The following SPAG9 variants were observed in gnomAD, a reference collection of about 807,000 sequenced individuals.
SPAG9 encodes C-Jun-amino-terminal kinase-interacting protein 4.
SPAG9 carries 35 observed loss-of-function variants against 166.5 expected under a neutral mutation model. That is an observed-to-expected ratio of 0.21 (90% confidence interval 0.16 to 0.28). The LOEUF is 0.28. Ranked by LOEUF, SPAG9 falls within the 10% of genes least tolerant of loss-of-function variation. The pLI is 1.00. For synonymous variants in SPAG9, 534 were observed against 565.5 expected (o/e 0.94, Z 0.79); for missense variants, 1,235 against 1,603.3 (o/e 0.77, Z 3.92).
chr17:51,077,065 G>GCTATCTAGCTAGCTAGCTAGCTAT (rs1491174150), intron 2 of SPAG9, among the ~76,000 whole-genome samples: 1 of 114,270 alleles, frequency 8.8e-6, no homozygotes, highest in Admixed American at 9.0e-5. Flanking sequence ...TAGCTATCTA[G>GCTATCTAGCTAGCTAGCTAGCTAT]CTAGCTATCT....
At chr17:51,072,308 G>A (rs1299719707) in intron 2 of SPAG9, among the ~76,000 whole-genome samples, 1 of 149,744 alleles carries the variant, frequency 6.7e-6, no homozygotes, top group African/African-American at 2.5e-5. Context: ...CTGACCTGAG[G>A]TGATACGCCT....
At chr17:51,028,601 T>C (rs1218884114) in intron 6 of SPAG9, among the ~76,000 whole-genome samples, 1 of 152,192 alleles carries the variant, frequency 6.6e-6, no homozygotes, top group Non-Finnish European at 1.5e-5. Flanking sequence ...TAGTAAGCTA[T>C]ACTGTCTAGG....
At chr17:51,077,009 G>GCTAGCTATCTAGCTATCTAGCTAT (rs1555655257) in intron 2 of SPAG9, among the ~76,000 whole-genome samples, 10 of 69,452 alleles carry the variant, frequency 1.4e-4, no homozygotes, top group African/African-American at 2.9e-4. Context: ...TATCTAGCTA[G>GCTAGCTATCTAGCTATCTAGCTAT]CTAGCTAGCT....
chr17:51,063,118 T>C lies in SPAG9; in HGVS notation c.425-6636A>G, dbSNP rs16970143. ...CAACTTACTGTTACATATTAGAAAC[T>C]TGTATGCTGGCCGGGCACAGTGGCT... On this transcript the variant is annotated intron_variant, in intron 2 of 29. Transcript: ENST00000262013. 4.0e-3 allele frequency among the ~76,000 whole-genome samples: 613 copies of C among 152,254 alleles called. 5 individuals carry two copies. Among genetic ancestry groups the C allele is most frequent in the African/African-American group, 0.014 (574 of 41,546 alleles).
At chr17:51,073,888 G>T (rs2047892793) in intron 2 of SPAG9, among the ~76,000 whole-genome samples, 1 of 152,022 alleles carries the variant, frequency 6.6e-6, no homozygotes, top group South Asian at 2.1e-4. Context: ...GGACCACAAG[G>T]TCAGGAGTTC....
At chr17:51,040,499 C>T (rs1192360027) in intron 5 of SPAG9, 1 of 152,120 alleles carries the variant, frequency 6.6e-6, no homozygotes, top group Admixed American at 6.6e-5. Flanking sequence ...GAGAGAAAGA[C>T]CACTTATATT....
rs562336487 is a variant in SPAG9 at position 51,114,092 on chromosome 17, G to A, written c.303+6262C>T. Among the ~76,000 whole-genome samples the A allele has an allele frequency of 1.1e-4, 16 of 152,102 alleles. No individual in the cohort carries two copies. In the South Asian group the frequency reaches 2.9e-3, roughly 28 times the overall value. On this transcript the variant is annotated intron_variant, in intron 1 of 29. Coordinates refer to ENST00000262013, the MANE Select transcript of SPAG9 (RefSeq NM_001130528.3). ...TGTAATCCCAGCACTTTGGGAGGCC[G>A]AGGCAGGGGGATCACCTGAGGTCAA...
chr17:50,974,945 T>C lies in SPAG9; in HGVS notation c.3526A>G (p.Asn1176Asp). 1 of 1,609,240 alleles carries C rather than the reference T, an allele frequency of 6.2e-7. No homozygotes were observed. ...TTTCCTGGTACACCTGAGGTTTTAT[T>C]TGCTGCAACAGAAAAACCAAATACC... ...VIISIPLTET[N>D]KTSGVPGNRP... Residue 1176 changes from asparagine (N) to aspartate (D), a missense_variant and splice_region_variant, in exon 28 of 30, where the codon AAT becomes GAT. Physicochemically the swap from Asn to Asp is conservative, Grantham distance 23. This residue lies in a region of SPAG9 where 243 missense variants were observed against 358.6 expected (regional missense o/e 0.68). Transcript: ENST00000262013.
chr17:50,996,097 G>A (rs1004224798), intron 16 of SPAG9: 6 of 164,594 alleles, frequency 3.6e-5, no homozygotes, highest in Non-Finnish European at 6.6e-5. Context: ...ATGTGCACAC[G>A]TGCACATGCA....
intron 2 of SPAG9, among the ~76,000 whole-genome samples, chr17:51,077,033 T>TCTAGCTATCTAG (rs2048013024): frequency 6.3e-5 from 6 of 94,536 alleles, no homozygotes; most frequent in Admixed American, 2.0e-4. Flanking sequence ...TAGCTATCTA[T>TCTAGCTATCTAG]CTAGCTATCT....
chr17:50,981,483 AAGATAGAT>A (rs71353692), intron 25 of SPAG9, among the ~76,000 whole-genome samples: 14,210 of 143,804 alleles, frequency 0.099, 818 homozygotes, highest in African/African-American at 0.16. Flanking sequence ...TACACAGATA[AAGATAGAT>A]AGATAGATAG....
chr17:51,094,226 C>T (rs1056826952), intron 1 of SPAG9, among the ~76,000 whole-genome samples: 2 of 152,164 alleles, frequency 1.3e-5, no homozygotes, highest in African/African-American at 2.4e-5. Flanking sequence ...AAGCTTCCAA[C>T]CCTCCTTTTT....
chr17:51,028,932 C>A (rs1438962986), intron 6 of SPAG9, among the ~76,000 whole-genome samples: 1 of 152,124 alleles, frequency 6.6e-6, no homozygotes, highest in Non-Finnish European at 1.5e-5. Flanking sequence ...CCTATCAAAT[C>A]CTATTGTCTG....
intron 10 of SPAG9, among the ~76,000 whole-genome samples, chr17:51,007,008 C>A (rs2045249674): frequency 6.6e-6 from 1 of 152,030 alleles, no homozygotes; most frequent in South Asian, 2.1e-4. Flanking sequence ...AAGAAAAAGG[C>A]ATGGATACTT....
chr17:51,054,087 G>A (rs1385016172), intron 3 of SPAG9, among the ~76,000 whole-genome samples: 1 of 145,906 alleles, frequency 6.9e-6, no homozygotes, highest in Non-Finnish European at 1.5e-5. Flanking sequence ...AAACCTTAAT[G>A]GCTAACAAAT....
intron 2 of SPAG9, among the ~76,000 whole-genome samples, chr17:51,079,232 T>C (rs890308849): frequency 7.8e-6 from 1 of 128,034 alleles, no homozygotes; most frequent in African/African-American, 3.1e-5. Flanking sequence ...AGCCAATTCC[T>C]TTTTTTTTTT....
At chr17:51,030,913 C>CTTTTTT (rs35796324) in intron 6 of SPAG9, 1 of 109,248 alleles carries the variant, frequency 9.2e-6, no homozygotes, top group Non-Finnish European at 1.9e-5. Context: ...ATGTAGCAGG[C>CTTTTTT]TTTTTTTTTT....
chr17:51,076,900 T>G (rs1457925792), intron 2 of SPAG9, among the ~76,000 whole-genome samples: 3 of 151,912 alleles, frequency 2.0e-5, no homozygotes, highest in Non-Finnish European at 4.4e-5. Flanking sequence ...GTGGCTCATG[T>G]CTGAAATCCC....
At chr17:51,020,738 T>C (rs1375850475) in intron 7 of SPAG9, among the ~76,000 whole-genome samples, 1 of 152,218 alleles carries the variant, frequency 6.6e-6, no homozygotes, top group Non-Finnish European at 1.5e-5. Flanking sequence ...TCAGTATCCA[T>C]GGGGGATTGG....
Sources: allele counts gnomAD v4.1 joint callset (sites outside exome capture counted in the v4.1 genomes callset), GRCh38; gene constraint gnomAD v4.1.1; regional missense constraint gnomAD v4.1.1; transcripts MANE v1.5; gene names NCBI Gene and HGNC (gene_info 2026-07-23, HGNC 2026-07-21).